C8A: variants seen among roughly 807,000 people sequenced by gnomAD.
The protein encoded by C8A is complement C8 alpha chain.
Under a neutral mutation model 65.3 loss-of-function variants are expected in C8A, and 67 were observed. That is an observed-to-expected ratio of 1.03 (90% CI 0.84 to 1.26). The LOEUF (loss-of-function observed/expected upper bound fraction) is 1.26. C8A is among the 50% of genes most tolerant of loss of function. C8A has a pLI of 0.00. For synonymous variants in C8A, 290 were observed against 259.4 expected, an observed-to-expected ratio of 1.12 and a Z score of -1.13; for missense variants, 781 against 723.9, an observed-to-expected ratio of 1.08 and a Z score of -0.90.
intron 7 of C8A, among the ~76,000 whole-genome samples, chr1:56,892,313 C>T (rs969644049): frequency 6.6e-6 from 1 of 152,084 alleles, no homozygotes; most frequent in African/African-American, 2.4e-5. Flanking sequence ...TTATTATGTG[C>T]TAAGCTCCAT....
chr1:56,906,810 G>C lies in C8A; in HGVS notation c.1222+18G>C, dbSNP rs1241207101. ...CAAAACTGGCAAGTGTTTAGTAATA[G>C]ATCTCCCAAAAAGAGAAGCCAGGCT... On this transcript the variant is annotated intron_variant, in intron 8 of 10. Coordinates refer to ENST00000361249, the MANE Select transcript of C8A (RefSeq NM_000562.3). 1.2e-6 allele frequency: 2 copies of C among 1,613,808 alleles called. No homozygotes were observed. Among genetic ancestry groups the C allele is most frequent in the East Asian group, 2.2e-5 (1 of 44,864 alleles).
intron 7 of C8A, among the ~76,000 whole-genome samples, chr1:56,890,731 C>T (rs541153461): frequency 1.1e-3 from 163 of 152,200 alleles, no homozygotes; most frequent in African/African-American, 3.8e-3. Context: ...TATTAGCCGT[C>T]TTCTTTGCCG....
At chr1:56,879,686 G>A (rs551153909) in intron 4 of C8A, among the ~76,000 whole-genome samples, 13 of 152,262 alleles carry the variant, frequency 8.5e-5, no homozygotes, top group South Asian at 4.1e-4. Context: ...CAAAGTTGTC[G>A]TGAGGTTGAA....
At chr1:56,863,445 A>G (rs1200602593) in intron 1 of C8A, among the ~76,000 whole-genome samples, 1 of 152,154 alleles carries the variant, frequency 6.6e-6, no homozygotes, top group Non-Finnish European at 1.5e-5. Context: ...CAATACACCA[A>G]CTGCTCTCTG....
rs1245728924 is a variant in C8A at position 56,866,232 on chromosome 1, A to G, written c.78-1377A>G. Among the ~76,000 whole-genome samples, 3 of 152,208 alleles carry G rather than the reference A, an allele frequency of 2.0e-5. No homozygotes were observed. The East Asian group carries it at 5.8e-4, about 29-fold the overall frequency. On this transcript the variant is annotated intron_variant, in intron 1 of 10. Transcript: ENST00000361249. The stretch of plus-strand genomic sequence containing the variant: ...AAGAAGCAGAAATAAGATTCTAGCT[A>G]TTTTCTACTAAACCAGACATTAAAG...
At chr1:56,885,760 C>T (rs1487031363) in intron 6 of C8A, among the ~76,000 whole-genome samples, 167 bp from the exon 7 acceptor site, 1 of 151,912 alleles carries the variant, frequency 6.6e-6, no homozygotes, top group Non-Finnish European at 1.5e-5. Context: ...CCATGTTAGC[C>T]AGGATGGTCT....
chr1:56,863,599 C>T (rs568230258), intron 1 of C8A, among the ~76,000 whole-genome samples: 2 of 152,242 alleles, frequency 1.3e-5, no homozygotes, highest in South Asian at 2.1e-4. Context: ...TGTTCTCAAA[C>T]CTTCTCCCTA....
intron 9 of C8A, among the ~76,000 whole-genome samples, chr1:56,911,013 A>T (rs1487300899): frequency 6.6e-6 from 1 of 151,516 alleles, no homozygotes; most frequent in Non-Finnish European, 1.5e-5. Flanking sequence ...CATGTATAAC[A>T]TTATAAGCAT....
At chr1:56,872,830 C>T (rs1350496851) in intron 2 of C8A, among the ~76,000 whole-genome samples, 3 of 151,642 alleles carry the variant, frequency 2.0e-5, no homozygotes, top group Admixed American at 1.3e-4. Context: ...CACTTTGGAA[C>T]AGAGGAAGTA....
In C8A at chr1:56,915,020, C is replaced by A. The variant is rs139810278; in HGVS notation, c.1603+2395C>A. Among the ~76,000 whole-genome samples, 307 of 152,276 alleles carry A rather than the reference C, an allele frequency of 2.0e-3. 3 individuals carry two copies. The highest frequency in any genetic ancestry group is 7.1e-3 in the African/African-American group (293 of 41,558). ...AGCTGCCAATTTCCATCTGGGCATACCCTGTAAAATGAGATTATATTGGAA... is the reference window on the plus strand; with the variant it reads ...AGCTGCCAATTTCCATCTGGGCATAACCTGTAAAATGAGATTATATTGGAA... On this transcript the variant is annotated intron_variant, in intron 10 of 10. Coordinates refer to ENST00000361249, the MANE Select transcript of C8A (RefSeq NM_000562.3).
chr1:56,870,317 A>G (rs1211575667), intron 2 of C8A, among the ~76,000 whole-genome samples: 2 of 152,004 alleles, frequency 1.3e-5, no homozygotes, highest in African/African-American at 4.8e-5. Context: ...GTAACAGCAA[A>G]AACTGCAATT....
intron 6 of C8A, among the ~76,000 whole-genome samples, chr1:56,885,479 A>T (rs1570333754): frequency 9.7e-6 from 1 of 102,708 alleles, no homozygotes. Flanking sequence ...TATTTATTTA[A>T]ATATATATTT....
intron 7 of C8A, among the ~76,000 whole-genome samples, chr1:56,888,273 G>A (rs1024290552): frequency 3.3e-5 from 5 of 152,044 alleles, no homozygotes; most frequent in Admixed American, 1.3e-4. Flanking sequence ...CAGGAAGTTC[G>A]AGATGAAGCA....
intron 2 of C8A, among the ~76,000 whole-genome samples, chr1:56,871,276 G>A (rs1476547209): frequency 1.3e-5 from 2 of 152,300 alleles, no homozygotes; most frequent in East Asian, 1.9e-4. Context: ...ACATGACAGA[G>A]CCTTGATTTA....
chr1:56,891,080 A>G (rs1644341224), intron 7 of C8A, among the ~76,000 whole-genome samples: 1 of 152,172 alleles, frequency 6.6e-6, no homozygotes, highest in Non-Finnish European at 1.5e-5. Context: ...AACAAGTTGT[A>G]AAAACAGAGA....
At chr1:56,862,034 T>C (rs944408285) in intron 1 of C8A, among the ~76,000 whole-genome samples, 1 of 152,220 alleles carries the variant, frequency 6.6e-6, no homozygotes, top group Non-Finnish European at 1.5e-5. Context: ...AAAAGGCAGA[T>C]GGGAAGCATC....
At chr1:56,884,107 T>C (rs1194305982) in intron 6 of C8A, among the ~76,000 whole-genome samples, 1 of 151,976 alleles carries the variant, frequency 6.6e-6, no homozygotes, top group Non-Finnish European at 1.5e-5. Flanking sequence ...CCAGTAAACC[T>C]TCACCATTAA....
intron 7 of C8A, among the ~76,000 whole-genome samples, chr1:56,890,110 A>G (rs547477798): frequency 2.0e-4 from 31 of 152,260 alleles, no homozygotes; most frequent in African/African-American, 6.0e-4. Context: ...CAAAGCTGCC[A>G]ATATATGTTG....
In C8A at chr1:56,917,907, A is replaced by G. The variant is rs1248579403; in HGVS notation, c.*191A>G. Reference sequence around the variant, plus strand: ...ATTCTATTAGTTACAAAACTCAATCATTTTATTCAGCAACTGGATGTTGAC... The same window carrying G: ...ATTCTATTAGTTACAAAACTCAATCGTTTTATTCAGCAACTGGATGTTGAC... On this transcript the variant is annotated 3_prime_UTR_variant, in exon 11 of 11. Coordinates refer to ENST00000361249, the MANE Select transcript of C8A (RefSeq NM_000562.3). The G allele has an allele frequency of 6.4e-6, 4 of 622,548 alleles. No homozygotes were observed. The highest frequency in any genetic ancestry group is 3.0e-5 in the Admixed American group (1 of 33,792). The allele number at this position is 622,548 out of a possible 1,614,324, so 38.6% of individuals were successfully genotyped here.
Sources: allele counts gnomAD v4.1 joint callset (sites outside exome capture counted in the v4.1 genomes callset), GRCh38; gene constraint gnomAD v4.1.1; transcripts MANE v1.5; gene names NCBI Gene and HGNC (gene_info 2026-07-23, HGNC 2026-07-21).